Variants in EBF2 observed in about 807,000 individuals in gnomAD.
EBF2 encodes transcription factor COE2.
A neutral mutation model predicts 72.8 loss-of-function variants in EBF2; 21 were observed. That is an observed-to-expected ratio of 0.29 (90% confidence interval 0.20 to 0.42). The LOEUF (loss-of-function observed/expected upper bound fraction) is 0.42, where lower values mean the gene tolerates loss of function less well. Ranked by LOEUF, EBF2 falls within the 10% of genes least tolerant of loss-of-function variation. EBF2 has a pLI of 1.00. For missense variants in EBF2, 637 were observed against 731.2 expected (o/e 0.87, Z 1.49); for synonymous variants, 299 against 274.2 (o/e 1.09, Z -0.89).
intron 6 of EBF2, among the ~76,000 whole-genome samples, chr8:26,001,989 C>G (rs1251679243): frequency 6.6e-6 from 1 of 152,204 alleles, no homozygotes; most frequent in Non-Finnish European, 1.5e-5. Flanking sequence ...ATGCATTAAA[C>G]TCACTAGGAT....
At chr8:25,933,952 ATTGT>A (rs1334397509) in intron 6 of EBF2, among the ~76,000 whole-genome samples, 1 of 152,120 alleles carries the variant, frequency 6.6e-6, no homozygotes, top group East Asian at 1.9e-4. Context: ...ATGACCATAC[ATTGT>A]TTGGGTCAGA....
rs755607810 is a variant in EBF2, at chr8:25,908,552, GA to G, written c.554del (p.Phe185SerfsTer3). The G allele has an allele frequency of 6.2e-7, 1 of 1,604,430 alleles. No individual in the cohort carries two copies. Among genetic ancestry groups the G allele is most frequent in the Non-Finnish European group, 8.5e-7 (1 of 1,172,438 alleles). ...TPSDPVIIDRFFLKFFLKCNQ... is the reference protein window; with the variant it reads ...TPSDPVIIDRXFLKFFLKCNQ... ...TGCACTTGAGGAAAAATTTTAAAAA[GA>G]ATCTGTGAAGAGAAAGCGATGTGTT... On this transcript the variant is annotated frameshift_variant and splice_region_variant, in exon 7 of 16. Coordinates refer to ENST00000520164, the MANE Select transcript of EBF2 (RefSeq NM_022659.4). LOFTEE classifies it high-confidence loss of function.
chr8:26,009,795 G>A (rs1804947018), intron 6 of EBF2, among the ~76,000 whole-genome samples: 1 of 152,216 alleles, frequency 6.6e-6, no homozygotes, highest in Admixed American at 6.5e-5. Flanking sequence ...ACCCCAGTTA[G>A]AAATTCAGTG....
At chr8:25,877,361 A>G (rs1157010122) in intron 10 of EBF2, among the ~76,000 whole-genome samples, 1 of 152,196 alleles carries the variant, frequency 6.6e-6, no homozygotes, top group East Asian at 1.9e-4. Flanking sequence ...TACCTCCTCC[A>G]GGTCTCAAAC....
At chr8:25,853,856 C>G (rs1034351204) in intron 14 of EBF2, among the ~76,000 whole-genome samples, 2 of 151,782 alleles carry the variant, frequency 1.3e-5, no homozygotes, top group African/African-American at 2.4e-5. Flanking sequence ...AAACAGATTA[C>G]ATAACACATA....
At position 25,887,884 on chromosome 8, in the gene EBF2, A is replaced by G. The variant is rs771756593; in HGVS notation, c.840T>C (p.Asp280=). 33 of 1,613,728 alleles carry G rather than the reference A, an allele frequency of 2.0e-5. No homozygotes were observed. Among genetic ancestry groups the G allele is most frequent in the Non-Finnish European group, 2.8e-5 (33 of 1,179,870 alleles). The part of the protein sequence containing the change: ...MVIIIGDNFF[D]GLQVVFGTML... ...TAGTCCCAAACACCACTTGGAGACCATCAAAGAAGTTGTCCCCGATGATGA... is the reference window on the plus strand; with the variant it reads ...TAGTCCCAAACACCACTTGGAGACCGTCAAAGAAGTTGTCCCCGATGATGA... Residue 280 remains aspartate (D), a synonymous_variant, in exon 9 of 16, where the codon GAT becomes GAC. Coordinates refer to ENST00000520164, the MANE Select transcript of EBF2 (RefSeq NM_022659.4).
At chr8:25,878,330 C>T (rs910028578) in intron 10 of EBF2, among the ~76,000 whole-genome samples, 5 of 152,274 alleles carry the variant, frequency 3.3e-5, no homozygotes, top group Admixed American at 6.5e-5. Context: ...GTCCAGAGTG[C>T]GTGGGTCAGT....
intron 7 of EBF2, among the ~76,000 whole-genome samples, chr8:25,907,642 C>A (rs773375961): frequency 1.3e-5 from 2 of 151,894 alleles, no homozygotes; most frequent in Non-Finnish European, 2.9e-5. Flanking sequence ...TTGTCTCAGG[C>A]GAAACATGAG....
intron 6 of EBF2, among the ~76,000 whole-genome samples, chr8:26,004,790 C>G (rs1293637544): frequency 6.9e-6 from 1 of 144,380 alleles, no homozygotes; most frequent in Non-Finnish European, 1.5e-5. Flanking sequence ...AAAAAAATAA[C>G]AGTCCACTAA....
chr8:25,978,742 A>G (rs1295870572), intron 6 of EBF2, among the ~76,000 whole-genome samples: 1 of 152,220 alleles, frequency 6.6e-6, no homozygotes. Context: ...TTCCTCCGGC[A>G]CATGGAGTAG....
intron 6 of EBF2, among the ~76,000 whole-genome samples, chr8:25,912,558 C>T (rs1803147370): frequency 2.0e-5 from 3 of 150,996 alleles, no homozygotes; most frequent in Admixed American, 1.3e-4. Flanking sequence ...CTTGAAGAGA[C>T]TGCAGTGTCC....
intron 6 of EBF2, among the ~76,000 whole-genome samples, chr8:25,953,947 C>T (rs533596336): frequency 1.3e-5 from 2 of 152,282 alleles, no homozygotes; most frequent in South Asian, 4.1e-4. Context: ...AGATGGGATG[C>T]AGATTTGAGA....
intron 6 of EBF2, among the ~76,000 whole-genome samples, chr8:25,962,246 G>A (rs990672970): frequency 6.6e-6 from 1 of 152,156 alleles, no homozygotes; most frequent in Admixed American, 6.6e-5. Flanking sequence ...TTTCCTTGAG[G>A]ATTGTAAGCA....
At chr8:25,960,398 T>C (rs1194262639) in intron 6 of EBF2, among the ~76,000 whole-genome samples, 1 of 152,192 alleles carries the variant, frequency 6.6e-6, no homozygotes, top group Non-Finnish European at 1.5e-5. Context: ...CTGCCCATCA[T>C]CCCAACCATG....
At chr8:25,853,922 T>C (rs1185752937) in intron 14 of EBF2, among the ~76,000 whole-genome samples, 2 of 152,154 alleles carry the variant, frequency 1.3e-5, no homozygotes, top group African/African-American at 4.8e-5. Context: ...AAGGATGTGA[T>C]ATATGCCCAA....
chr8:25,850,075 T>A (rs150436807), intron 15 of EBF2, among the ~76,000 whole-genome samples: 6 of 152,296 alleles, frequency 3.9e-5, no homozygotes, highest in Non-Finnish European at 7.4e-5. Flanking sequence ...CCTGCAGAGT[T>A]TGCTGATGTC....
intron 15 of EBF2, among the ~76,000 whole-genome samples, chr8:25,848,517 A>G (rs1801888464): frequency 6.6e-6 from 1 of 152,138 alleles, no homozygotes; most frequent in Admixed American, 6.6e-5. Context: ...AGTCTTGGGC[A>G]TGCAGCAGGA....
intron 5 of EBF2, 28 bp from the exon 6 acceptor site, chr8:26,033,181 A>G (rs1805436933): frequency 6.2e-7 from 1 of 1,608,326 alleles, no homozygotes; most frequent in Non-Finnish European, 8.5e-7. Flanking sequence ...ACCAAGAGTG[A>G]AAGAAATTTA....
chr8:25,971,582 C>T (rs1359330788), intron 6 of EBF2, among the ~76,000 whole-genome samples: 2 of 152,098 alleles, frequency 1.3e-5, no homozygotes, highest in Admixed American at 1.3e-4. Flanking sequence ...TTATTGCAGG[C>T]AAATGTTGGT....
Sources: allele counts gnomAD v4.1 joint callset (sites outside exome capture counted in the v4.1 genomes callset), GRCh38; gene constraint gnomAD v4.1.1; transcripts MANE v1.5; gene names NCBI Gene and HGNC (gene_info 2026-07-23, HGNC 2026-07-21).